The following GLIS3 variants were observed in gnomAD, a reference collection of about 807,000 sequenced individuals.
GLIS3 encodes GLIS family zinc finger 3, also known as zinc finger protein GLIS3.
GLIS3 carries 53 observed loss-of-function variants against 78.6 expected under a neutral mutation model. The ratio of observed to expected loss-of-function variants is 0.67; its 90% CI spans 0.54 to 0.85. The LOEUF (loss-of-function observed/expected upper bound fraction) is 0.85, where lower values mean the gene tolerates loss of function less well. GLIS3 is among the 40% of genes least tolerant of loss of function. The pLI, the probability that GLIS3 is intolerant of heterozygous loss-of-function variation, is 0.00. For missense variants in GLIS3, 1,703 were observed against 1,231.1 expected (o/e 1.38, Z -5.74); for synonymous variants, 684 against 509.9 (o/e 1.34, Z -4.60).
chr9:4,139,825 G>A (rs572911826), intron 2 of GLIS3, among the ~76,000 whole-genome samples: 1 of 152,158 alleles, frequency 6.6e-6, no homozygotes, highest in Non-Finnish European at 1.5e-5. Context: ...TCCCACTGCT[G>A]ATCTGACACG....
At chr9:4,187,974 T>G (rs1480590044) in intron 2 of GLIS3, among the ~76,000 whole-genome samples, 1 of 152,062 alleles carries the variant, frequency 6.6e-6, no homozygotes, top group African/African-American at 2.4e-5. Context: ...TTTTCCTAAC[T>G]GAATACCCTT....
chr9:4,265,399 T>C (rs1825901200), intron 2 of GLIS3, among the ~76,000 whole-genome samples: 1 of 140,868 alleles, frequency 7.1e-6, no homozygotes, highest in African/African-American at 3.0e-5. Flanking sequence ...TATTATCCCT[T>C]AGAAAGGGTA....
In GLIS3 at chr9:4,059,339, T is replaced by G. The variant is rs114722000; in HGVS notation, c.1710+58429A>C. Among the ~76,000 whole-genome samples the G allele has an allele frequency of 3.3e-3, 503 of 152,330 alleles. 3 individuals are homozygous for G. Among genetic ancestry groups the G allele is most frequent in the African/African-American group, 0.011 (470 of 41,590 alleles). On this transcript the variant is annotated intron_variant, in intron 4 of 10. Coordinates refer to ENST00000381971, the MANE Select transcript of GLIS3 (RefSeq NM_001042413.2). Reference sequence around the variant, plus strand: ...TTCTCTTTGTTCTCCACTACACTCCTGGTTTTTGGCACCTCTGGAGATCTC... The same window carrying G: ...TTCTCTTTGTTCTCCACTACACTCCGGGTTTTTGGCACCTCTGGAGATCTC...
At chr9:4,266,700 T>A (rs942229593) in intron 2 of GLIS3, among the ~76,000 whole-genome samples, 3 of 152,098 alleles carry the variant, frequency 2.0e-5, no homozygotes, top group African/African-American at 7.2e-5. Flanking sequence ...TAATGATACA[T>A]AGTTATTTTA....
At chr9:4,394,370 C>G in the GLIS3 span, among the ~76,000 whole-genome samples, 2 of 150,702 alleles carry the variant, frequency 1.3e-5, no homozygotes, top group Non-Finnish European at 3.0e-5. Context: ...GCCCCTAGCT[C>G]AAAGATTACA....
At chr9:4,097,427 C>T (rs142279744) in intron 4 of GLIS3, among the ~76,000 whole-genome samples, 1,991 of 152,068 alleles carry the variant, frequency 0.013, 38 homozygotes, top group African/African-American at 0.043. Flanking sequence ...AAGGGGTGGG[C>T]TCAGCTGATG....
At chr9:4,083,025 G>T (rs888358104) in intron 4 of GLIS3, among the ~76,000 whole-genome samples, 1 of 152,166 alleles carries the variant, frequency 6.6e-6, no homozygotes, top group Non-Finnish European at 1.5e-5. Context: ...TAGGTCTGAA[G>T]TGGTGACATG....
chr9:4,241,821 T>A (rs1823346988), intron 2 of GLIS3, among the ~76,000 whole-genome samples: 1 of 152,130 alleles, frequency 6.6e-6, no homozygotes, highest in African/African-American at 2.4e-5. Context: ...TAGGTGTGAT[T>A]ACAGGCACGT....
chr9:4,344,392 T>G (rs930257463), intron 2 of GLIS3, among the ~76,000 whole-genome samples: 1 of 152,218 alleles, frequency 6.6e-6, no homozygotes, highest in Non-Finnish European at 1.5e-5. Context: ...TTTGGCAAAG[T>G]TGTGTTTTCT....
intron 2 of GLIS3, among the ~76,000 whole-genome samples, chr9:4,161,024 G>A (rs903114032): frequency 6.7e-6 from 1 of 149,938 alleles, no homozygotes; most frequent in African/African-American, 2.5e-5. Context: ...TGGAAGGATT[G>A]CTTCAAACCA....
chr9:4,194,389 T>C (rs1048795185), intron 2 of GLIS3, among the ~76,000 whole-genome samples: 1 of 152,038 alleles, frequency 6.6e-6, no homozygotes, highest in African/African-American at 2.4e-5. Context: ...AAGGCAGAGG[T>C]AAAAAATAAA....
chr9:4,192,281 A>C (rs772611339), intron 2 of GLIS3, among the ~76,000 whole-genome samples: 5 of 152,232 alleles, frequency 3.3e-5, no homozygotes, highest in Non-Finnish European at 5.9e-5. Context: ...GAGTTTCTTG[A>C]GATGAAATGT....
chr9:4,440,202 C>A, the GLIS3 span, among the ~76,000 whole-genome samples: 1 of 151,924 alleles, frequency 6.6e-6, no homozygotes, highest in Non-Finnish European at 1.5e-5. Context: ...TGTTGTAATC[C>A]CATTTTTCCA....
chr9:4,302,010 C>A (rs959597118), upstream of GLIS3, among the ~76,000 whole-genome samples: 1 of 149,498 alleles, frequency 6.7e-6, no homozygotes, highest in Non-Finnish European at 1.5e-5. Context: ...TTTTTTCTGG[C>A]CAAGAATGTA....
chr9:4,241,947 G>A (rs561975797), intron 2 of GLIS3, among the ~76,000 whole-genome samples: 15 of 152,354 alleles, frequency 9.8e-5, no homozygotes, highest in African/African-American at 3.1e-4. Flanking sequence ...GCCTCCCAAA[G>A]TGCTGAGATT....
intron 5 of GLIS3, among the ~76,000 whole-genome samples, chr9:3,935,559 A>G (rs932897321): frequency 9.8e-5 from 15 of 152,318 alleles, no homozygotes; most frequent in African/African-American, 3.6e-4. Context: ...AGTTCTTGCA[A>G]CCTACAGATA....
At chr9:4,035,569 ACTTCT>A (rs1447666371) in intron 4 of GLIS3, among the ~76,000 whole-genome samples, 1 of 151,422 alleles carries the variant, frequency 6.6e-6, no homozygotes, top group African/African-American at 2.4e-5. Flanking sequence ...GGCTCTAGTC[ACTTCT>A]CTTCTCTGTT....
the GLIS3 span, among the ~76,000 whole-genome samples, chr9:4,483,045 G>C: frequency 6.6e-6 from 1 of 152,160 alleles, no homozygotes; most frequent in African/African-American, 2.4e-5. Flanking sequence ...CTTTCAAGTA[G>C]AGCTTGCAAG....
At chr9:4,189,661 T>C (rs4472574) in intron 2 of GLIS3, among the ~76,000 whole-genome samples, 41,723 of 152,082 alleles carry the variant, frequency 0.27, 6,941 homozygotes, top group South Asian at 0.53. Context: ...GGACTTGCTT[T>C]ATAAATCTGG....
Sources: gnomAD v4.1 joint callset for allele counts (sites outside exome capture counted in the v4.1 genomes callset) on GRCh38, gnomAD v4.1.1 for gene constraint, MANE v1.5 for transcripts, NCBI Gene and HGNC (gene_info 2026-07-23, HGNC 2026-07-21) for gene names.